PTPRD: variants seen among roughly 807,000 people sequenced by gnomAD.
PTPRD encodes the protein receptor-type tyrosine-protein phosphatase delta.
PTPRD carries 34 observed loss-of-function variants against 214.5 expected under a neutral mutation model. The observed-to-expected ratio is 0.16, with a 90% CI of 0.12 to 0.21. The LOEUF is 0.21. PTPRD is among the 10% of genes least tolerant of loss of function. PTPRD has a pLI of 1.00. For missense variants in PTPRD, 2,545 were observed against 2,398.7 expected, an observed-to-expected ratio of 1.06 and a Z score of -1.27; for synonymous variants, 1,128 against 845.7, an observed-to-expected ratio of 1.33 and a Z score of -5.79.
At chr9:9,839,492 C>A (rs532883137) in intron 5 of PTPRD, among the ~76,000 whole-genome samples, 1 of 152,030 alleles carries the variant, frequency 6.6e-6, no homozygotes. Context: ...ATCCAACTTA[C>A]AAGGGACATG....
At chr9:10,516,973 G>C (rs940083982) in intron 2 of PTPRD, among the ~76,000 whole-genome samples, 1 of 151,730 alleles carries the variant, frequency 6.6e-6, no homozygotes, top group South Asian at 2.1e-4. Flanking sequence ...AATTACTGTA[G>C]CTTTGTCATA....
At chr9:9,982,702 G>A (rs931454990) in intron 4 of PTPRD, among the ~76,000 whole-genome samples, 1 of 151,724 alleles carries the variant, frequency 6.6e-6, no homozygotes, top group East Asian at 1.9e-4. Flanking sequence ...TTTTTGTTTT[G>A]TATTTGATGC....
At chr9:9,166,563 G>C (rs537359626) in intron 10 of PTPRD, among the ~76,000 whole-genome samples, 1 of 152,120 alleles carries the variant, frequency 6.6e-6, no homozygotes, top group African/African-American at 2.4e-5. Flanking sequence ...ACAAAACCTA[G>C]AGATGCCATT....
At chr9:10,328,579 T>C (rs1368014298) in intron 3 of PTPRD, among the ~76,000 whole-genome samples, 1 of 151,818 alleles carries the variant, frequency 6.6e-6, no homozygotes, top group Non-Finnish European at 1.5e-5. Flanking sequence ...AACATAGCTA[T>C]TTTAAAGAGT....
rs969755980 is a variant in PTPRD, at chr9:10,137,721, A to T, written c.-544-103931T>A. Among the ~76,000 whole-genome samples the T allele has an allele frequency of 5.0e-3, 732 of 145,746 alleles. 129 individuals carry two copies. Among genetic ancestry groups the T allele is most frequent in the African/African-American group, 0.017 (685 of 39,450 alleles). Reference sequence around the variant, plus strand: ...TATAATAAAAAAAAAAAAAAAAAAAAGAAATCATAACCAAGAATATCTCAA... The same window carrying T: ...TATAATAAAAAAAAAAAAAAAAAAATGAAATCATAACCAAGAATATCTCAA... On this transcript the variant is annotated intron_variant, in intron 3 of 45. Coordinates refer to ENST00000381196, the MANE Select transcript of PTPRD (RefSeq NM_002839.4).
At chr9:8,458,907 T>C (rs562927917) in intron 33 of PTPRD, among the ~76,000 whole-genome samples, 1 of 152,250 alleles carries the variant, frequency 6.6e-6, no homozygotes, top group South Asian at 2.1e-4. Context: ...ATGATGGATA[T>C]ATCTTTCATT....
At chr9:9,562,769 C>T (rs555068982) in intron 8 of PTPRD, among the ~76,000 whole-genome samples, 1 of 152,052 alleles carries the variant, frequency 6.6e-6, no homozygotes, top group Non-Finnish European at 1.5e-5. Flanking sequence ...TTTCTACCCA[C>T]CCCACATCTC....
intron 2 of PTPRD, among the ~76,000 whole-genome samples, chr9:10,457,602 A>G (rs1304601959): frequency 6.6e-6 from 1 of 152,028 alleles, no homozygotes; most frequent in Non-Finnish European, 1.5e-5. Flanking sequence ...TGAAATCTCT[A>G]GGTGAACTAT....
intron 14 of PTPRD, among the ~76,000 whole-genome samples, chr9:8,544,382 G>A (rs557969208): frequency 3.8e-4 from 57 of 150,284 alleles, no homozygotes; most frequent in Admixed American, 8.6e-4. Context: ...GCACCCGGTC[G>A]CCATTACTTT....
intron 11 of PTPRD, among the ~76,000 whole-genome samples, chr9:8,922,663 T>C (rs1316324703): frequency 1.3e-5 from 2 of 152,186 alleles, no homozygotes; most frequent in Non-Finnish European, 2.9e-5. Context: ...AGACAGAGTC[T>C]CGCTCTGTCC....
Position 9,258,928 on chromosome 9 carries a change from G to C in PTPRD, c.-202-75565C>G, listed in dbSNP as rs527499406. Among the ~76,000 whole-genome samples, 56 of 151,964 alleles carry C rather than the reference G, an allele frequency of 3.7e-4. 1 individual carries two copies. The South Asian group carries it at 0.012, about 31-fold the overall frequency. Reference sequence around the variant, plus strand: ...TTAAAGGCCTATTTTTCCAAAAATTGTGCAGACATTGATTCATTTTAACAG... The same window carrying C: ...TTAAAGGCCTATTTTTCCAAAAATTCTGCAGACATTGATTCATTTTAACAG... On this transcript the variant is annotated intron_variant, in intron 9 of 45. Transcript: ENST00000381196.
intron 2 of PTPRD, among the ~76,000 whole-genome samples, chr9:10,533,908 G>A (rs1386326051): frequency 6.6e-6 from 1 of 151,170 alleles, no homozygotes; most frequent in African/African-American, 2.4e-5. Flanking sequence ...TTTTTATTAG[G>A]AAGTTTTTTT....
intron 10 of PTPRD, among the ~76,000 whole-genome samples, chr9:9,028,414 A>G (rs747530131): frequency 7.9e-5 from 12 of 151,970 alleles, no homozygotes; most frequent in Admixed American, 2.6e-4. Context: ...CATTTCTGAT[A>G]TTTCATTTAT....
At chr9:9,803,457 C>A (rs1480622277) in intron 5 of PTPRD, among the ~76,000 whole-genome samples, 1 of 151,868 alleles carries the variant, frequency 6.6e-6, no homozygotes, top group East Asian at 1.9e-4. Context: ...TGGGATATCA[C>A]CTCCAACAAT....
rs1024548785 is a variant in PTPRD at position 9,907,793 on chromosome 9, A to G, written c.-368+30714T>C. Among the ~76,000 whole-genome samples the G allele has an allele frequency of 5.3e-5, 8 of 152,136 alleles. 1 individual carries two copies. Among genetic ancestry groups the G allele is most frequent in the South Asian group, 4.1e-4 (2 of 4,830 alleles). On this transcript the variant is annotated intron_variant, in intron 5 of 45. Coordinates refer to ENST00000381196, the MANE Select transcript of PTPRD (RefSeq NM_002839.4). ...CTCCTAACCATAAGCACTCTTTAAA[A>G]TCAGAACCCTACTGATTCTTGTAAT... is the stretch of plus-strand genomic sequence containing the variant.
chr9:9,565,737 A>T (rs2084315939), intron 8 of PTPRD, among the ~76,000 whole-genome samples: 1 of 151,902 alleles, frequency 6.6e-6, no homozygotes, highest in Non-Finnish European at 1.5e-5. Context: ...TTTTTTGTGC[A>T]TTTAGGAAAC....
At chr9:9,805,089 A>C (rs1037520666) in intron 5 of PTPRD, among the ~76,000 whole-genome samples, 5 of 152,088 alleles carry the variant, frequency 3.3e-5, no homozygotes, top group African/African-American at 4.8e-5. Flanking sequence ...AATTAGAAAA[A>C]ATAAATACCA....
intron 4 of PTPRD, among the ~76,000 whole-genome samples, chr9:9,956,056 G>T (rs991310699): frequency 3.3e-5 from 5 of 151,966 alleles, no homozygotes; most frequent in Non-Finnish European, 7.4e-5. Context: ...TGTTGATCAC[G>T]TGTTAAATGC....
At chr9:10,080,570 T>A (rs2098219959) in intron 3 of PTPRD, among the ~76,000 whole-genome samples, 1 of 152,124 alleles carries the variant, frequency 6.6e-6, no homozygotes, top group African/African-American at 2.4e-5. Context: ...CATATTTATT[T>A]GAAACCATTA....
Sources: gnomAD v4.1 joint callset for allele counts (sites outside exome capture counted in the v4.1 genomes callset) on GRCh38, gnomAD v4.1.1 for gene constraint, MANE v1.5 for transcripts, NCBI Gene and HGNC (gene_info 2026-07-23, HGNC 2026-07-21) for gene names.